Variants in TAF4B observed in about 807,000 individuals in gnomAD.
The protein encoded by TAF4B is TATA-box binding protein associated factor 4b, also known as transcription initiation factor TFIID subunit 4B.
In TAF4B, 38 loss-of-function variants were observed where a neutral mutation model predicts 86.4. That is an observed-to-expected ratio of 0.44 (90% CI 0.34 to 0.58). The LOEUF (loss-of-function observed/expected upper bound fraction) is 0.58, where lower values mean the gene tolerates loss of function less well. TAF4B is among the 20% of genes least tolerant of loss of function. The pLI, the probability that TAF4B is intolerant of heterozygous loss-of-function variation, is 0.02. For synonymous variants in TAF4B, 388 were observed against 391.2 expected (o/e 0.99, Z 0.10); for missense variants, 988 against 1,027.6 (o/e 0.96, Z 0.53).
intron 10 of TAF4B, 40 bp from the exon 11 acceptor site, chr18:26,321,030 C>G (rs1235516337): frequency 6.8e-6 from 11 of 1,609,424 alleles, no homozygotes; most frequent in Non-Finnish European, 9.3e-6. Flanking sequence ...AATTATCAGC[C>G]ACTACTAAAA....
At chr18:26,314,551 G>A (rs1023545105) in intron 9 of TAF4B, among the ~76,000 whole-genome samples, 2 of 152,194 alleles carry the variant, frequency 1.3e-5, no homozygotes, top group Admixed American at 6.5e-5. Context: ...TGCTGAGGAT[G>A]TGGTTTAACG....
In TAF4B at chr18:26,226,956, C is replaced by T. The variant is rs1340705038; in HGVS notation, c.23C>T (p.Pro8Leu). The T allele has an allele frequency of 2.2e-6, 3 of 1,379,390 alleles. No homozygotes were observed. In the African/African-American group the frequency reaches 4.6e-5, roughly 21 times the overall value. The allele number at this position is 1,379,390 out of a possible 1,614,324, so 85.4% of individuals were successfully genotyped here. Residue 8 changes from proline (P) to leucine (L), a missense_variant, in exon 1 of 15, where the codon CCC (proline) becomes CTC (leucine). This residue lies in a region of TAF4B where 747 missense variants were observed against 737.9 expected (regional missense o/e 1.01). Coordinates refer to ENST00000269142, the MANE Select transcript of TAF4B (RefSeq NM_005640.3). MPAGLTE[P>L]AGAAPPAAVS... The stretch of plus-strand genomic sequence containing the variant: ...GGGATGCCCGCCGGCCTCACCGAAC[C>T]CGCCGGCGCCGCTCCCCCGGCTGCT...
At chr18:26,294,218 C>A (rs888756109) in intron 9 of TAF4B, among the ~76,000 whole-genome samples, 1 of 152,036 alleles carries the variant, frequency 6.6e-6, no homozygotes, top group Admixed American at 6.6e-5. Flanking sequence ...ATGACAGTAT[C>A]ATTTTGCATT....
At chr18:26,306,474 A>G (rs1205373006) in intron 9 of TAF4B, among the ~76,000 whole-genome samples, 1 of 152,180 alleles carries the variant, frequency 6.6e-6, no homozygotes, top group Non-Finnish European at 1.5e-5. Flanking sequence ...CTTCTTCTTA[A>G]TCGTCTATGA....
intron 12 of TAF4B, among the ~76,000 whole-genome samples, chr18:26,334,223 C>T (rs182854391): frequency 1.3e-5 from 2 of 152,150 alleles, no homozygotes; most frequent in African/African-American, 4.8e-5. Flanking sequence ...TTAGTAGGCA[C>T]TCAAATTTAA....
At chr18:26,337,947 C>A (rs2057106208) in intron 13 of TAF4B, among the ~76,000 whole-genome samples, 1 of 152,136 alleles carries the variant, frequency 6.6e-6, no homozygotes, top group Admixed American at 6.5e-5. Flanking sequence ...TTTTCCCTTT[C>A]AAACCTACCT....
At chr18:26,319,221 G>A (rs1373373919) in intron 10 of TAF4B, among the ~76,000 whole-genome samples, 1 of 150,610 alleles carries the variant, frequency 6.6e-6, no homozygotes, top group Non-Finnish European at 1.5e-5. Context: ...GCCAGGAGCG[G>A]TGGCTTACAC....
At position 26,352,662 on chromosome 18, in the gene TAF4B, G is replaced by A. The variant is rs907144287; in HGVS notation, c.2317-5028G>A. Among the ~76,000 whole-genome samples the A allele has an allele frequency of 5.9e-5, 9 of 152,234 alleles. No homozygotes were observed. In the South Asian group the frequency reaches 1.5e-3, roughly 25 times the overall value. ...TTACCCCCAGATGCCATCCTCCAGA[G>A]TTAGGATCCCATAAGCCCAGGAGGT... is the stretch of plus-strand genomic sequence containing the variant. On this transcript the variant is annotated intron_variant, in intron 13 of 14. Coordinates refer to ENST00000269142, the MANE Select transcript of TAF4B (RefSeq NM_005640.3).
In TAF4B at chr18:26,390,093, A is replaced by G; in HGVS notation, c.*81A>G. On this transcript the variant is annotated 3_prime_UTR_variant, in exon 15 of 15. Coordinates refer to ENST00000269142, the MANE Select transcript of TAF4B (RefSeq NM_005640.3). ...CATTGTTGCACTGTCCTGAAATTTCAATTTCTGGAAAATAATCACCAACAT... is the reference window on the plus strand; with the variant it reads ...CATTGTTGCACTGTCCTGAAATTTCGATTTCTGGAAAATAATCACCAACAT... 1 of 1,386,894 alleles carries G rather than the reference A, an allele frequency of 7.2e-7. No individual in the cohort carries two copies. Among genetic ancestry groups the G allele is most frequent in the South Asian group, 1.5e-5 (1 of 65,006 alleles). The allele number at this position is 1,386,894 out of a possible 1,614,324, so 85.9% of individuals were successfully genotyped here.
rs1016598312 is a variant in TAF4B, at chr18:26,355,282, A to G, written c.2317-2408A>G. ...TCAGTCTTAGGAGGATTTTTTTTAT[A>G]TATAGATAACTTGGGGTTTTCTGCA... On this transcript the variant is annotated intron_variant, in intron 13 of 14. Transcript: ENST00000269142. 3.9e-5 allele frequency among the ~76,000 whole-genome samples: 6 copies of G among 152,250 alleles called. 1 individual carries two copies. The highest frequency in any genetic ancestry group is 6.8e-3 in the Middle Eastern group (2 of 294).
In TAF4B at chr18:26,285,222, G is replaced by GTTTTTTTTTTTTTGTTTTTTTTTTTT. The variant is rs1555677502; in HGVS notation, c.973-647_973-646insGTTTTTTTTTTTTTTTTTTTTTTTTT. Among the ~76,000 whole-genome samples the GTTTTTTTTTTTTTGTTTTTTTTTTTT allele has an allele frequency of 1.1e-4, 5 of 45,692 alleles. No homozygotes were observed. In the East Asian group the frequency reaches 4.4e-3, roughly 40 times the overall value. 30.0% of individuals were successfully genotyped at this position (45,692 alleles called of 152,430 possible). A position where few individuals can be genotyped will look rare whatever the true frequency, so the allele number is the denominator to read the frequency against. The stretch of plus-strand genomic sequence containing the variant: ...ATTTCTTCCTTTCCTTTTTTTTTTT[G>GTTTTTTTTTTTTTGTTTTTTTTTTTT]TTTTTTTTTTTTTTGGAGATGGGGT... On this transcript the variant is annotated intron_variant, in intron 6 of 14. Transcript: ENST00000269142.
chr18:26,386,000 A>G (rs541405202), intron 14 of TAF4B, among the ~76,000 whole-genome samples: 6 of 152,280 alleles, frequency 3.9e-5, no homozygotes, highest in East Asian at 3.9e-4. Flanking sequence ...AAAATGCTAT[A>G]TATTTTGTAT....
At chr18:26,357,216 T>C (rs1428435888) in intron 13 of TAF4B, among the ~76,000 whole-genome samples, 1 of 152,226 alleles carries the variant, frequency 6.6e-6, no homozygotes, top group African/African-American at 2.4e-5. Flanking sequence ...TTTTATATTA[T>C]AGCAATCACC....
At chr18:26,305,439 A>G (rs1446440208) in intron 9 of TAF4B, among the ~76,000 whole-genome samples, 1 of 151,926 alleles carries the variant, frequency 6.6e-6, no homozygotes, top group Non-Finnish European at 1.5e-5. Flanking sequence ...ATACAGTTTC[A>G]CTCTGTTGCC....
chr18:26,260,566 A>G (rs1415033703), intron 1 of TAF4B, among the ~76,000 whole-genome samples: 2 of 152,070 alleles, frequency 1.3e-5, no homozygotes, highest in Admixed American at 1.3e-4. Context: ...TGTTTTTGTC[A>G]GGTTTGTCAG....
At chr18:26,243,034 A>G (rs1043530223) in intron 1 of TAF4B, among the ~76,000 whole-genome samples, 2 of 152,018 alleles carry the variant, frequency 1.3e-5, no homozygotes, top group African/African-American at 2.4e-5. Context: ...CTTCATTTCA[A>G]CTTTGGTGAA....
rs74853948 is a variant in TAF4B at position 26,235,076 on chromosome 18, G to A, written c.343+7800G>A. On this transcript the variant is annotated intron_variant, in intron 1 of 14. Coordinates refer to ENST00000269142, the MANE Select transcript of TAF4B (RefSeq NM_005640.3). ...ATGAGTTAGAGTAAGTGCTCCAAGAGCTATTCCCACTCTCTGTGGCGTATA... is the reference window on the plus strand; with the variant it reads ...ATGAGTTAGAGTAAGTGCTCCAAGAACTATTCCCACTCTCTGTGGCGTATA... Among the ~76,000 whole-genome samples the A allele has an allele frequency of 1.1e-3, 163 of 152,266 alleles. 2 individuals are homozygous for A. The East Asian group carries it at 0.028, about 26-fold the overall frequency.
intron 11 of TAF4B, among the ~76,000 whole-genome samples, chr18:26,324,876 GTAA>G (rs1252004189): frequency 6.6e-6 from 1 of 152,122 alleles, no homozygotes; most frequent in Non-Finnish European, 1.5e-5. Context: ...GACTTTGTTT[GTAA>G]TAATCTTTAT....
intron 1 of TAF4B, among the ~76,000 whole-genome samples, chr18:26,239,580 T>C (rs4592735): frequency 0.078 from 11,911 of 152,290 alleles, 571 homozygotes; most frequent in Non-Finnish European, 0.1. Context: ...GTGCAGAAGC[T>C]CTTTAGTTTA....
Sources: gnomAD v4.1 joint callset for allele counts (sites outside exome capture counted in the v4.1 genomes callset) on GRCh38, gnomAD v4.1.1 for gene constraint, gnomAD v4.1.1 regional missense constraint, MANE v1.5 for transcripts, NCBI Gene and HGNC (gene_info 2026-07-23, HGNC 2026-07-21) for gene names.